The following SLC39A10 variants were observed in gnomAD, a reference collection of about 807,000 sequenced individuals.
SLC39A10 encodes the protein solute carrier family 39 member 10.
In SLC39A10, 13 loss-of-function variants were observed where a neutral mutation model predicts 65.1. The observed-to-expected ratio is 0.20, with a 90% CI of 0.13 to 0.32. The LOEUF (loss-of-function observed/expected upper bound fraction) is 0.32, where lower values mean the gene tolerates loss of function less well. Among genes scored for constraint, SLC39A10 ranks in the 10% least tolerant of loss-of-function variants. SLC39A10 has a pLI of 1.00. For synonymous variants in SLC39A10, 321 were observed against 342.2 expected, an observed-to-expected ratio of 0.94 and a Z score of 0.68; for missense variants, 831 against 1,018.4, an observed-to-expected ratio of 0.82 and a Z score of 2.50.
chr2:195,657,358 G>C, intron 1 of SLC39A10, 77 bp downstream of exon 1: 1 of 983,314 alleles, frequency 1.0e-6, no homozygotes, highest in Non-Finnish European at 1.2e-6. Context: ...TGCGAGTCCC[G>C]GGACGGCGTG....
intron 3 of SLC39A10, among the ~76,000 whole-genome samples, chr2:195,698,800 AGTATCAGG>A (rs1691074401): frequency 6.6e-6 from 1 of 151,742 alleles, no homozygotes; most frequent in Non-Finnish European, 1.5e-5. Flanking sequence ...TGATACCTTT[AGTATCAGG>A]GTAATGCTGG....
intron 2 of SLC39A10, among the ~76,000 whole-genome samples, chr2:195,632,505 G>A (rs1168265157): frequency 1.3e-5 from 2 of 150,648 alleles, no homozygotes; most frequent in Non-Finnish European, 3.0e-5. Context: ...CACTATGTTG[G>A]CCAGGCTGGT....
At chr2:195,703,538 C>G (rs1424930956) in intron 3 of SLC39A10, among the ~76,000 whole-genome samples, 1 of 151,914 alleles carries the variant, frequency 6.6e-6, no homozygotes, top group Non-Finnish European at 1.5e-5. Context: ...AGCAAGCATG[C>G]TATACATATT....
intron 2 of SLC39A10, among the ~76,000 whole-genome samples, chr2:195,650,909 A>G (rs1031497417): frequency 3.2e-5 from 1 of 30,808 alleles, no homozygotes; most frequent in East Asian, 1.2e-3. Context: ...TGCTCTTTAG[A>G]AAGGAGTTTA....
chr2:195,631,287 A>G (rs1282405385), intron 2 of SLC39A10, among the ~76,000 whole-genome samples: 1 of 152,008 alleles, frequency 6.6e-6, no homozygotes, highest in Non-Finnish European at 1.5e-5. Context: ...ATATATATAC[A>G]GCTAATTTTT....
intron 2 of SLC39A10, among the ~76,000 whole-genome samples, chr2:195,618,591 CT>C (rs1471443713): frequency 6.6e-6 from 1 of 152,140 alleles, no homozygotes; most frequent in Non-Finnish European, 1.5e-5. Flanking sequence ...GGCACTTTTC[CT>C]TACAATATAT....
chr2:195,674,083 T>C (rs747585603), intron 1 of SLC39A10, among the ~76,000 whole-genome samples: 1 of 152,216 alleles, frequency 6.6e-6, no homozygotes, highest in African/African-American at 2.4e-5. Flanking sequence ...GTCTGTAAAT[T>C]ATACAGCATG....
At position 195,683,897 on chromosome 2, in the gene SLC39A10, G is replaced by T. The variant is rs1690427713; in HGVS notation, c.1207G>T (p.Gly403Trp). ...GGTTCCTGAAGATGAGGCAAATATA[G>T]GGGCATCAGGTAAGAGAGATTTTAA... Reference protein sequence around the residue: ...NLVPEDEANIGASAWICGIIS... With the variant: ...NLVPEDEANIWASAWICGIIS... Residue 403 changes from glycine to tryptophan, a missense_variant, in exon 3 of 10, where the codon GGG becomes TGG. By Grantham distance (184) the Gly-to-Trp change is radical. This residue lies in a region of SLC39A10 where 446 missense variants were observed against 499.2 expected (regional missense o/e 0.89). Coordinates refer to ENST00000359634, the MANE Select transcript of SLC39A10 (RefSeq NM_020342.3). 1 of 1,610,482 alleles carries T rather than the reference G, an allele frequency of 6.2e-7. No individual in the cohort carries two copies. Among genetic ancestry groups the T allele is most frequent in the African/African-American group, 1.3e-5 (1 of 74,706 alleles).
chr2:195,620,072 A>C (rs1688320289), intron 2 of SLC39A10, among the ~76,000 whole-genome samples: 1 of 152,092 alleles, frequency 6.6e-6, no homozygotes, highest in Non-Finnish European at 1.5e-5. Flanking sequence ...ACCGGTGCCC[A>C]CCACCACACC....
At chr2:195,643,388 C>G (rs1688847959) in intron 2 of SLC39A10, among the ~76,000 whole-genome samples, 1 of 152,140 alleles carries the variant, frequency 6.6e-6, no homozygotes, top group Non-Finnish European at 1.5e-5. Flanking sequence ...GGGATGTGTG[C>G]CCTTCTTTCA....
At chr2:195,624,547 A>C (rs7583382) in intron 2 of SLC39A10, among the ~76,000 whole-genome samples, 20,011 of 152,074 alleles carry the variant, frequency 0.13, 1,727 homozygotes, top group Middle Eastern at 0.26. Context: ...TTGTCCACTC[A>C]GAAGGAGGGA....
rs755652604 is a variant in SLC39A10 at position 195,728,746 on chromosome 2, A to G, written c.2337+397A>G. The stretch of plus-strand genomic sequence containing the variant: ...CCAGTCTTCTGGAAGGAAGTGGTAT[A>G]TATTCCATAGGATTTATGTAATTTC... On this transcript the variant is annotated intron_variant, in intron 9 of 9. Transcript: ENST00000359634. This position sits in a 1 kb window ranked among gnomAD's most constrained non-coding sequence, Gnocchi z 4.4. Among the ~76,000 whole-genome samples, 15 of 152,210 alleles carry G rather than the reference A, an allele frequency of 9.9e-5. No homozygotes were observed. In the South Asian group the frequency reaches 1.0e-3, roughly 11 times the overall value.
rs78687925 is a variant in SLC39A10, at chr2:195,737,105, A to G, written c.*2064A>G. 6.6e-6 allele frequency: 1 copy of G among 152,178 alleles called. No individual in the cohort carries two copies. The allele number at this position is 152,178 out of a possible 1,614,324, so 9.4% of individuals were successfully genotyped here. ...AAAGAAGTTTTATATTCTCTCAAAA[A>G]TGGTATTATCTTTCTTTATTTGCTA... On this transcript the variant is annotated 3_prime_UTR_variant, in exon 10 of 10. Transcript: ENST00000359634.
chr2:195,722,607 G>A, intron 8 of SLC39A10, among the ~76,000 whole-genome samples: 1 of 152,178 alleles, frequency 6.6e-6, no homozygotes, highest in East Asian at 1.9e-4. Flanking sequence ...TTCTTCCTCA[G>A]AACTCCCAAG....
chr2:195,618,358 A>G (rs1053060387), intron 2 of SLC39A10, among the ~76,000 whole-genome samples: 1 of 151,888 alleles, frequency 6.6e-6, no homozygotes, highest in African/African-American at 2.4e-5. Context: ...CTCACCAAAA[A>G]AAAAAAAAAA....
chr2:195,624,739 G>A (rs938595440), intron 2 of SLC39A10, among the ~76,000 whole-genome samples: 3 of 150,484 alleles, frequency 2.0e-5, no homozygotes, highest in African/African-American at 7.3e-5. Flanking sequence ...GCCGGATGTG[G>A]TCGATGGCGG....
chr2:195,615,405 C>G (rs1005544100), intron 2 of SLC39A10, among the ~76,000 whole-genome samples: 10 of 152,158 alleles, frequency 6.6e-5, no homozygotes, highest in Non-Finnish European at 1.5e-4. Context: ...TCAGGCAATC[C>G]TCCCACCTCA....
intron 2 of SLC39A10, among the ~76,000 whole-genome samples, chr2:195,651,543 C>T (rs899956253): frequency 9.2e-5 from 14 of 152,094 alleles, no homozygotes; most frequent in African/African-American, 2.7e-4. Flanking sequence ...GGCATGATCT[C>T]GGCTCACTGC....
At chr2:195,647,903 C>T (rs928331740) in intron 2 of SLC39A10, among the ~76,000 whole-genome samples, 3 of 152,002 alleles carry the variant, frequency 2.0e-5, no homozygotes, top group Non-Finnish European at 2.9e-5. Flanking sequence ...TCTCTTTTTC[C>T]AAGACAGACT....
Sources: allele counts gnomAD v4.1 joint callset (sites outside exome capture counted in the v4.1 genomes callset), GRCh38; gene constraint gnomAD v4.1.1; regional missense constraint gnomAD v4.1.1; non-coding constraint Gnocchi (gnomAD v3.1); transcripts MANE v1.5; gene names NCBI Gene and HGNC (gene_info 2026-07-23, HGNC 2026-07-21).